Variants in CMTR1 observed in about 807,000 individuals in gnomAD.
CMTR1 encodes cap methyltransferase 1, also known as cap-specific mRNA (nucleoside-2'-O-)-methyltransferase 1.
In CMTR1, 39 loss-of-function variants were observed where a neutral mutation model predicts 107.0. The observed-to-expected ratio is 0.36, with a 90% CI of 0.28 to 0.48. The LOEUF (loss-of-function observed/expected upper bound fraction) is 0.48, where lower values mean the gene tolerates loss of function less well. Ranked by LOEUF, CMTR1 falls within the 20% of genes least tolerant of loss-of-function variation. CMTR1 has a pLI of 0.99. For synonymous variants in CMTR1, 366 were observed against 379.5 expected, an observed-to-expected ratio of 0.96 and a Z score of 0.41; for missense variants, 672 against 1,064.9, an observed-to-expected ratio of 0.63 and a Z score of 5.14.
At chr6:37,477,441 T>G in intron 20 of CMTR1, 151 bp from the exon 21 acceptor site, 1 of 702,792 alleles carries the variant, frequency 1.4e-6, no homozygotes, top group Non-Finnish European at 2.6e-6. Context: ...GTTGGCAGGC[T>G]TGGTGTCCTC....
chr6:37,461,863 C>A, intron 11 of CMTR1, 107 bp from the exon 12 acceptor site: 1 of 1,280,318 alleles, frequency 7.8e-7, no homozygotes. Context: ...TTTTAACAGA[C>A]CCAGGTGCTG....
chr6:37,470,883 G>T (rs909450545), intron 13 of CMTR1, 138 bp from the exon 14 acceptor site: 1 of 593,966 alleles, frequency 1.7e-6, no homozygotes, highest in African/African-American at 1.9e-5. Context: ...TGGGGTAGGG[G>T]TGTGGGTTTC....
At chr6:37,433,763 G>T (rs956003099) in intron 1 of CMTR1, among the ~76,000 whole-genome samples, 1 of 152,216 alleles carries the variant, frequency 6.6e-6, no homozygotes, top group Non-Finnish European at 1.5e-5. Context: ...CTTGCCTTCC[G>T]CTTAGAAGTT....
chr6:37,440,785 G>A (rs1038187330), intron 2 of CMTR1, among the ~76,000 whole-genome samples: 3 of 152,168 alleles, frequency 2.0e-5, no homozygotes, highest in Admixed American at 6.6e-5. Context: ...GAAGACAGAA[G>A]GAAACAAAAG....
intron 2 of CMTR1, among the ~76,000 whole-genome samples, chr6:37,442,353 C>CTG (rs1771693352): frequency 1.3e-5 from 2 of 152,190 alleles, no homozygotes; most frequent in African/African-American, 4.8e-5. Context: ...CTTCTGAGGC[C>CTG]TGAACAGCTT....
chr6:37,475,308 C>T lies in CMTR1; in HGVS notation c.1945-13C>T. On this transcript the variant is annotated splice_polypyrimidine_tract_variant and intron_variant, in intron 18 of 23. Coordinates refer to ENST00000373451, the MANE Select transcript of CMTR1 (RefSeq NM_015050.3). Reference sequence around the variant, plus strand: ...CCTGGCAGAGTGGGCAGTGTACCTACTTATCCTTCTAGGGGAAGGCCCAGA... The same window carrying T: ...CCTGGCAGAGTGGGCAGTGTACCTATTTATCCTTCTAGGGGAAGGCCCAGA... The T allele has an allele frequency of 6.2e-7, 1 of 1,610,824 alleles. No homozygotes were observed. Among genetic ancestry groups the T allele is most frequent in the Non-Finnish European group, 8.5e-7 (1 of 1,177,590 alleles).
chr6:37,478,567 C>A (rs1305523520), intron 22 of CMTR1, 46 bp downstream of exon 22: 5 of 1,500,750 alleles, frequency 3.3e-6, no homozygotes, highest in African/African-American at 2.8e-5. Context: ...CCTCTCCCCT[C>A]TCCTCGCCAG....
At position 37,434,172 on chromosome 6, in the gene CMTR1, A is replaced by G. The variant is rs936161520; in HGVS notation, c.-7+795A>G. 3.4e-4 allele frequency among the ~76,000 whole-genome samples: 51 copies of G among 151,452 alleles called. 1 individual carries two copies. The highest frequency in any genetic ancestry group is 1.5e-5 in the Non-Finnish European group (1 of 67,950). On this transcript the variant is annotated intron_variant, in intron 1 of 23. Coordinates refer to ENST00000373451, the MANE Select transcript of CMTR1 (RefSeq NM_015050.3). ...GCTTGGTCTTGCTTTCTGTTTGCTC[A>G]GTGTCTCCGGTTCTTCCCTGGGACA... is the stretch of plus-strand genomic sequence containing the variant.
chr6:37,440,075 A>G (rs141208963), intron 2 of CMTR1, among the ~76,000 whole-genome samples: 4 of 152,202 alleles, frequency 2.6e-5, no homozygotes, highest in South Asian at 4.1e-4. Context: ...TAATGACTTA[A>G]TAGTGATTTC....
At position 37,478,481 on chromosome 6, in the gene CMTR1, C is replaced by G; in HGVS notation, c.2226C>G (p.His742Gln). Residue 742 changes from histidine to glutamine, a missense_variant, in exon 22 of 24, where the codon CAC becomes CAG. By Grantham distance (24) the His-to-Gln change is conservative. Transcript: ENST00000373451. ...GCTACACAGGGCGTGATGACCGGCA[C>G]TTTGTACCCATGGGCCTCTACATCG... ...KLSYTGRDDR[H>Q]FVPMGLYIVR... The G allele has an allele frequency of 6.2e-7, 1 of 1,614,088 alleles. No individual in the cohort carries two copies. The highest frequency in any genetic ancestry group is 8.5e-7 in the Non-Finnish European group (1 of 1,179,986).
chr6:37,471,524 G>T (rs770038606), intron 14 of CMTR1, among the ~76,000 whole-genome samples: 33 of 152,204 alleles, frequency 2.2e-4, no homozygotes, highest in Non-Finnish European at 4.1e-4. Flanking sequence ...GTCAGCAGAA[G>T]AGGAGCTAGA....
At chr6:37,424,903 T>C in the CMTR1 span, among the ~76,000 whole-genome samples, 1 of 151,844 alleles carries the variant, frequency 6.6e-6, no homozygotes, top group Non-Finnish European at 1.5e-5. Context: ...ACAAACTCTC[T>C]CAGCTTTTGT....
chr6:37,447,701 A>G (rs1388051438), intron 4 of CMTR1, among the ~76,000 whole-genome samples: 1 of 151,632 alleles, frequency 6.6e-6, no homozygotes, highest in Non-Finnish European at 1.5e-5. Context: ...TCTCTGCTAA[A>G]AATACAAAAA....
At chr6:37,468,428 CT>C (rs1176755078) in intron 13 of CMTR1, among the ~76,000 whole-genome samples, 1 of 152,084 alleles carries the variant, frequency 6.6e-6, no homozygotes, top group African/African-American at 2.4e-5. Context: ...TAAAAAGGTC[CT>C]TGGTATTTAC....
intron 13 of CMTR1, among the ~76,000 whole-genome samples, chr6:37,465,309 TTATATA>T (rs1561789629): frequency 6.6e-6 from 1 of 151,866 alleles, no homozygotes; most frequent in Non-Finnish European, 1.5e-5. Context: ...ATAGAACAAT[TTATATA>T]TATTGTTTTA....
At chr6:37,478,879 AG>A (rs760167730) in intron 22 of CMTR1, among the ~76,000 whole-genome samples, 10 of 152,140 alleles carry the variant, frequency 6.6e-5, no homozygotes, top group Non-Finnish European at 1.3e-4. Context: ...TGGCTAACAG[AG>A]TCCTACATCT....
upstream of CMTR1, among the ~76,000 whole-genome samples, chr6:37,428,649 C>T (rs1403960580): frequency 2.0e-5 from 3 of 151,898 alleles, no homozygotes; most frequent in Non-Finnish European, 4.4e-5. Context: ...GTAGAGACGG[C>T]GTTTCACCAT....
At position 37,453,343 on chromosome 6, in the gene CMTR1, G is replaced by A. The variant is rs747826866; in HGVS notation, c.777+31G>A. ...AACAAGATTCTGCTTCTGAATTCAT[G>A]GTGCTAAGAGGGCTTAAGTTTCAGT... On this transcript the variant is annotated intron_variant, in intron 8 of 23. Coordinates refer to ENST00000373451, the MANE Select transcript of CMTR1 (RefSeq NM_015050.3). The A allele has an allele frequency of 2.5e-6, 4 of 1,591,596 alleles. No individual in the cohort carries two copies. In the African/African-American group the frequency reaches 5.4e-5, roughly 21 times the overall value.
intron 13 of CMTR1, among the ~76,000 whole-genome samples, chr6:37,466,681 C>G (rs1357264902): frequency 6.6e-6 from 1 of 152,082 alleles, no homozygotes; most frequent in Non-Finnish European, 1.5e-5. Context: ...CAGTAGTAGA[C>G]AGTTTTTAGT....
Sources: allele counts gnomAD v4.1 joint callset (sites outside exome capture counted in the v4.1 genomes callset), GRCh38; gene constraint gnomAD v4.1.1; transcripts MANE v1.5; gene names NCBI Gene and HGNC (gene_info 2026-07-23, HGNC 2026-07-21).